Variants in ADAMTSL3 observed in about 807,000 individuals in gnomAD.
ADAMTSL3 encodes the protein ADAMTS like 3, also known as ADAMTS-like protein 3.
A neutral mutation model predicts 201.7 loss-of-function variants in ADAMTSL3; 128 were observed. The ratio of observed to expected loss-of-function variants is 0.63; its 90% confidence interval spans 0.55 to 0.73. The LOEUF is 0.73. ADAMTSL3 is among the 30% of genes least tolerant of loss of function. ADAMTSL3 has a pLI of 0.00. For synonymous variants in ADAMTSL3, 738 were observed against 748.4 expected, an observed-to-expected ratio of 0.99 and a Z score of 0.23; for missense variants, 1,990 against 2,119.6, an observed-to-expected ratio of 0.94 and a Z score of 1.20.
intron 28 of ADAMTSL3, among the ~76,000 whole-genome samples, chr15:84,035,947 C>T (rs1009863259): frequency 6.6e-6 from 1 of 152,304 alleles, no homozygotes; most frequent in South Asian, 2.1e-4. Flanking sequence ...TAATACTCCA[C>T]ACTTCAGGTT....
intron 9 of ADAMTSL3, among the ~76,000 whole-genome samples, chr15:83,882,522 C>A (rs2065295743): frequency 6.6e-6 from 1 of 152,044 alleles, no homozygotes; most frequent in Non-Finnish European, 1.5e-5. Context: ...TATATTAGTT[C>A]TTAGGTACAT....
chr15:83,858,900 A>C, intron 8 of ADAMTSL3, 60 bp downstream of exon 8: 1 of 1,382,242 alleles, frequency 7.2e-7, no homozygotes, highest in Non-Finnish European at 1.0e-6. Flanking sequence ...AGCCAAAAAA[A>C]ACAAAAAACA....
rs1321707219 is a variant in ADAMTSL3, at chr15:84,014,525, T to A, written c.3974-17T>A. ...CTTAAAGGAATTGCCTTTGTCATAT[T>A]TGTTTTTGTTCCAAAGGTGTCCCTC... On this transcript the variant is annotated splice_polypyrimidine_tract_variant and intron_variant, in intron 23 of 29. Coordinates refer to ENST00000286744, the MANE Select transcript of ADAMTSL3 (RefSeq NM_207517.3). 6.2e-7 allele frequency: 1 copy of A among 1,607,836 alleles called. No individual in the cohort carries two copies. Among genetic ancestry groups the A allele is most frequent in the African/African-American group, 1.3e-5 (1 of 74,554 alleles).
intron 15 of ADAMTSL3, among the ~76,000 whole-genome samples, chr15:83,903,943 A>AGGGAGGG (rs2065782906): frequency 1.2e-5 from 1 of 85,244 alleles, no homozygotes; most frequent in African/African-American, 5.2e-5. Context: ...AAAAAAAAAA[A>AGGGAGGG]AGAAAAAAGA....
chr15:84,011,895 T>C lies in ADAMTSL3; in HGVS notation c.3974-2647T>C, dbSNP rs1439936353. Among the ~76,000 whole-genome samples the C allele has an allele frequency of 5.3e-5, 8 of 152,362 alleles. 1 individual carries two copies. The South Asian group carries it at 1.7e-3, about 32-fold the overall frequency. On this transcript the variant is annotated intron_variant, in intron 23 of 29. Transcript: ENST00000286744. ...TGGAATAAATATATTAAGAGATGTA[T>C]AACATCTACCTATGTTGTGGTTAAG...
intron 17 of ADAMTSL3, among the ~76,000 whole-genome samples, chr15:83,926,042 T>C (rs2066239787): frequency 1.3e-5 from 2 of 152,208 alleles, no homozygotes; most frequent in African/African-American, 4.8e-5. Context: ...ACGAGGTAGA[T>C]GTTAAATAAA....
chr15:84,021,598 G>A lies in ADAMTSL3; in HGVS notation c.4457+5G>A, dbSNP rs1170088950. 1.2e-6 allele frequency: 2 copies of A among 1,613,128 alleles called. No homozygotes were observed. The highest frequency in any genetic ancestry group is 2.2e-5 in the East Asian group (1 of 44,872). ...CATCCGGGACTGCCCAGCGAGGTAA[G>A]TGAAGTCACTCTTTGTATCTCATCA... is the stretch of plus-strand genomic sequence containing the variant. On this transcript the variant is annotated splice_donor_5th_base_variant and intron_variant, in intron 26 of 29. Transcript: ENST00000286744.
At chr15:83,929,424 T>G (rs2066309065) in intron 17 of ADAMTSL3, among the ~76,000 whole-genome samples, 1 of 152,194 alleles carries the variant, frequency 6.6e-6, no homozygotes, top group Non-Finnish European at 1.5e-5. Context: ...GATTTCATAT[T>G]GTTTTCCTTC....
At chr15:83,686,151 C>T (rs2141439282) in intron 2 of ADAMTSL3, among the ~76,000 whole-genome samples, 1 of 152,330 alleles carries the variant, frequency 6.6e-6, no homozygotes, top group East Asian at 1.9e-4. Context: ...CTTCTGAACA[C>T]TTAAAGACGC....
Position 84,037,974 on chromosome 15 carries a change from C to T in ADAMTSL3, c.*168C>T, listed in dbSNP as rs1439511951. On this transcript the variant is annotated 3_prime_UTR_variant, in exon 30 of 30. Coordinates refer to ENST00000286744, the MANE Select transcript of ADAMTSL3 (RefSeq NM_207517.3). ...TGTTAAGGTGTAAAGTGAAATTTTCCAATGGTAGTTTTATATTCCAATTTT... is the reference window on the plus strand; with the variant it reads ...TGTTAAGGTGTAAAGTGAAATTTTCTAATGGTAGTTTTATATTCCAATTTT... The T allele has an allele frequency of 2.8e-6, 3 of 1,080,114 alleles. No homozygotes were observed. In the East Asian group the frequency reaches 8.2e-5, roughly 29 times the overall value. The allele number at this position is 1,080,114 out of a possible 1,614,324, so 66.9% of individuals were successfully genotyped here. A position where few individuals can be genotyped will look rare whatever the true frequency, so the allele number is the denominator to read the frequency against.
At chr15:83,735,563 TTAAGTATTTA>T (rs67673297) in intron 3 of ADAMTSL3, among the ~76,000 whole-genome samples, 30,213 of 152,014 alleles carry the variant, frequency 0.2, 3,904 homozygotes, top group Middle Eastern at 0.36. Context: ...GAATTTCGTT[TTAAGTATTTA>T]TAAGGTCATC....
At chr15:83,981,773 T>C (rs1427782546) in intron 20 of ADAMTSL3, among the ~76,000 whole-genome samples, 1 of 152,180 alleles carries the variant, frequency 6.6e-6, no homozygotes, top group African/African-American at 2.4e-5. Context: ...TTGCTCACAT[T>C]CCCACTCTCA....
At chr15:83,908,310 A>C (rs1273650504) in intron 15 of ADAMTSL3, among the ~76,000 whole-genome samples, 8 of 152,166 alleles carry the variant, frequency 5.3e-5, no homozygotes, top group Admixed American at 4.6e-4. Flanking sequence ...ATTTCCTGAT[A>C]CGGTTGTTGT....
At position 83,708,480 on chromosome 15, in the gene ADAMTSL3, CATT is replaced by C; in HGVS notation, c.189+3975_189+3977del. Among the ~76,000 whole-genome samples, 2 of 152,246 alleles carry C rather than the reference CATT, an allele frequency of 1.3e-5. 1 individual carries two copies. Among genetic ancestry groups the C allele is most frequent in the South Asian group, 4.1e-4 (2 of 4,828 alleles). On this transcript the variant is annotated intron_variant, in intron 3 of 29. Transcript: ENST00000286744. ...CATTTAATGGGAGGCGTAAAAGCCA[CATT>C]ATGGATCATACGGAGGGCCGCGGCA...
chr15:83,700,327 C>T (rs989796303), intron 2 of ADAMTSL3, among the ~76,000 whole-genome samples: 6 of 152,168 alleles, frequency 3.9e-5, no homozygotes, highest in Non-Finnish European at 7.4e-5. Context: ...GGCTTTTGCA[C>T]TTGTTCTTTT....
Position 83,857,279 on chromosome 15 carries a change from C to G in ADAMTSL3, c.728-1487C>G, listed in dbSNP as rs552436202. The stretch of plus-strand genomic sequence containing the variant: ...CCATTCCGTGGGTTGCCTCTTCATT[C>G]TGTTCATAGTGTCCTTTTGTGCACA... On this transcript the variant is annotated intron_variant, in intron 7 of 29. Transcript: ENST00000286744. Among the ~76,000 whole-genome samples the G allele has an allele frequency of 2.8e-4, 43 of 152,212 alleles. No individual in the cohort carries two copies. The South Asian group carries it at 8.5e-3, about 30-fold the overall frequency.
chr15:83,686,606 T>C (rs1038859546), intron 2 of ADAMTSL3, among the ~76,000 whole-genome samples: 5 of 152,174 alleles, frequency 3.3e-5, no homozygotes, highest in Non-Finnish European at 5.9e-5. Flanking sequence ...TAATAATTGA[T>C]GTGTGGGTGG....
intron 3 of ADAMTSL3, among the ~76,000 whole-genome samples, chr15:83,713,730 G>A (rs1160257739): frequency 1.3e-5 from 2 of 152,212 alleles, no homozygotes; most frequent in East Asian, 3.8e-4. Flanking sequence ...TGTAGAAGCA[G>A]TAATGGAATT....
chr15:83,888,098 C>T (rs1392608089), intron 10 of ADAMTSL3, among the ~76,000 whole-genome samples: 1 of 152,146 alleles, frequency 6.6e-6, no homozygotes, highest in Non-Finnish European at 1.5e-5. Flanking sequence ...AAGACATAGT[C>T]CTGCTGGAAC....
Sources: gnomAD v4.1 joint callset for allele counts (sites outside exome capture counted in the v4.1 genomes callset) on GRCh38, gnomAD v4.1.1 for gene constraint, MANE v1.5 for transcripts, NCBI Gene and HGNC (gene_info 2026-07-23, HGNC 2026-07-21) for gene names.